Variants in PRMT8 observed in about 807,000 individuals in gnomAD.
PRMT8 encodes protein arginine methyltransferase 8.
PRMT8 carries 7 observed loss-of-function variants against 47.1 expected under a neutral mutation model. The observed-to-expected ratio is 0.15, with a 90% CI of 0.08 to 0.28. The LOEUF is 0.28. Among genes scored for constraint, PRMT8 ranks in the 10% least tolerant of loss-of-function variants. PRMT8 has a pLI of 1.00. For synonymous variants in PRMT8, 188 were observed against 186.5 expected (o/e 1.01, Z -0.07); for missense variants, 237 against 505.4 (o/e 0.47, Z 5.09).
chr12:3,411,569 T>C (rs1250450056), intron 1 of PRMT8, among the ~76,000 whole-genome samples: 2 of 152,224 alleles, frequency 1.3e-5, no homozygotes, highest in African/African-American at 2.4e-5. Context: ...GCGTGTAATA[T>C]GTGCTGTGGT....
At chr12:3,430,268 G>A (rs577094722) in intron 1 of PRMT8, among the ~76,000 whole-genome samples, 8 of 152,318 alleles carry the variant, frequency 5.3e-5, no homozygotes, top group Admixed American at 3.9e-4. Flanking sequence ...GCAATCTATA[G>A]ATAACACAAG....
chr12:3,508,596 T>G lies in PRMT8; in HGVS notation c.75+16896T>G, dbSNP rs1865667036. 3.3e-5 allele frequency among the ~76,000 whole-genome samples: 5 copies of G among 152,294 alleles called. 1 individual carries two copies. In the South Asian group the frequency reaches 1.0e-3, roughly 32 times the overall value. On this transcript the variant is annotated intron_variant, in intron 1 of 9. Coordinates refer to ENST00000382622, the MANE Select transcript of PRMT8 (RefSeq NM_019854.5). This position sits in a 1 kb window ranked among gnomAD's most constrained non-coding sequence, Gnocchi z 4.9. ...AGCCCTGACTTTGCAGCTGATGTGCTTCGTTGATTCTGTGAGTTGTGGTGC... is the reference window on the plus strand; with the variant it reads ...AGCCCTGACTTTGCAGCTGATGTGCGTCGTTGATTCTGTGAGTTGTGGTGC...
At chr12:3,468,622 T>C (rs1416462947) in intron 1 of PRMT8, among the ~76,000 whole-genome samples, 1 of 152,180 alleles carries the variant, frequency 6.6e-6, no homozygotes, top group Non-Finnish European at 1.5e-5. Context: ...AGACTCAAAA[T>C]AGAGAATAGT....
intron 1 of PRMT8, among the ~76,000 whole-genome samples, chr12:3,527,093 C>G (rs1865958993): frequency 6.6e-6 from 1 of 152,096 alleles, no homozygotes; most frequent in Non-Finnish European, 1.5e-5. Context: ...TGGGGGCAAT[C>G]TATAACTTTT....
Position 3,593,145 on chromosome 12 carries a change from G to C in PRMT8, c.1148G>C (p.Cys383Ser), listed in dbSNP as rs1867348009. 1.9e-6 allele frequency: 3 copies of C among 1,614,072 alleles called. No homozygotes were observed. Among genetic ancestry groups the C allele is most frequent in the African/African-American group, 1.3e-5 (1 of 74,940 alleles). ...TVDLDFKGQL[C>S]ETSVSNDYKM... Reference sequence around the variant, plus strand: ...GACTTGGATTTTAAGGGACAGCTGTGTGAAACATCTGTATCTAATGACTAC... The same window carrying C: ...GACTTGGATTTTAAGGGACAGCTGTCTGAAACATCTGTATCTAATGACTAC... The change falls in exon 10 of 10, where the codon TGT becomes TCT. Residue 383 changes from cysteine to serine, a missense_variant. Coordinates refer to ENST00000382622, the MANE Select transcript of PRMT8 (RefSeq NM_019854.5). The surrounding 1 kb of genome is among the most constrained non-coding windows in gnomAD (Gnocchi z 4.8).
At position 3,513,058 on chromosome 12, in the gene PRMT8, C is replaced by T. The variant is rs149886187; in HGVS notation, c.75+21358C>T. On this transcript the variant is annotated intron_variant, in intron 1 of 9. Transcript: ENST00000382622. ...ATTTTTGTCCCTGAGAGAACTGCAACACCGGGGATCAAAGGGTTTGAGTGT... is the reference window on the plus strand; with the variant it reads ...ATTTTTGTCCCTGAGAGAACTGCAATACCGGGGATCAAAGGGTTTGAGTGT... Among the ~76,000 whole-genome samples the T allele has an allele frequency of 8.4e-3, 1,272 of 152,310 alleles. 12 individuals carry two copies. The highest frequency in any genetic ancestry group is 0.021 in the South Asian group (99 of 4,822).
intron 1 of PRMT8, among the ~76,000 whole-genome samples, chr12:3,506,497 A>G (rs1865626511): frequency 1.3e-5 from 2 of 152,078 alleles, no homozygotes; most frequent in Admixed American, 6.5e-5. Flanking sequence ...AGTGCTCTTT[A>G]GCTTCCCTGC....
chr12:3,593,084 C>G lies in PRMT8; in HGVS notation c.1102-15C>G. ...AGACGGCCGCCTGACCCTTCGCTCTCTCTCTGCCTTGCAGCGAGACCTCGA... is the reference window on the plus strand; with the variant it reads ...AGACGGCCGCCTGACCCTTCGCTCTGTCTCTGCCTTGCAGCGAGACCTCGA... On this transcript the variant is annotated splice_polypyrimidine_tract_variant and intron_variant, in intron 9 of 9. Transcript: ENST00000382622. This position sits in a 1 kb window ranked among gnomAD's most constrained non-coding sequence, Gnocchi z 4.8. 6.2e-7 allele frequency: 1 copy of G among 1,612,864 alleles called. No homozygotes were observed. The highest frequency in any genetic ancestry group is 8.5e-7 in the Non-Finnish European group (1 of 1,178,968).
intron 1 of PRMT8, chr12:3,468,806 A>G (rs771359819): frequency 6.5e-6 from 1 of 154,990 alleles, no homozygotes; most frequent in African/African-American, 2.4e-5. Flanking sequence ...AAGTCCCCCA[A>G]TGTCCCACAT....
chr12:3,552,574 G>A lies in PRMT8; in HGVS notation c.418-1077G>A. 2.8e-6 allele frequency: 1 copy of A among 360,698 alleles called. No individual in the cohort carries two copies. The highest frequency in any genetic ancestry group is 5.6e-6 in the Non-Finnish European group (1 of 179,838). 22.3% of individuals were successfully genotyped at this position (360,698 alleles called of 1,614,324 possible). A position where few individuals can be genotyped will look rare whatever the true frequency, so the allele number is the denominator to read the frequency against. On this transcript the variant is annotated intron_variant, in intron 3 of 9. Transcript: ENST00000382622. The surrounding 1 kb of genome is among the most constrained non-coding windows in gnomAD (Gnocchi z 4.5). ...GAAGAGGAGGGAATCACACCCCACA[G>A]ACAGTGCAGCCTGAAGGCCAGGGAC... is the stretch of plus-strand genomic sequence containing the variant.
chr12:3,451,849 T>G (rs1420976260), intron 1 of PRMT8, among the ~76,000 whole-genome samples: 2 of 152,216 alleles, frequency 1.3e-5, no homozygotes, highest in African/African-American at 2.4e-5. Flanking sequence ...TCCAGTCATA[T>G]CCTTGATCCA....
At chr12:3,512,646 C>G (rs1355146658) in intron 1 of PRMT8, among the ~76,000 whole-genome samples, 1 of 152,196 alleles carries the variant, frequency 6.6e-6, no homozygotes, top group African/African-American at 2.4e-5. Context: ...TTACGTCCAT[C>G]TCCTTCTCTC....
intron 1 of PRMT8, among the ~76,000 whole-genome samples, chr12:3,441,431 C>T (rs1024692939): frequency 6.6e-6 from 1 of 152,200 alleles, no homozygotes; most frequent in Non-Finnish European, 1.5e-5. Context: ...GAGGAGCCAA[C>T]CTCCCCTTCC....
intron 8 of PRMT8, among the ~76,000 whole-genome samples, chr12:3,590,833 C>T (rs1042703406): frequency 6.6e-6 from 1 of 152,056 alleles, no homozygotes; most frequent in Non-Finnish European, 1.5e-5. Context: ...TTCATTTATT[C>T]AATACTCGTA....
chr12:3,385,524 T>C (rs1474843065), intron 1 of PRMT8, among the ~76,000 whole-genome samples: 1 of 152,200 alleles, frequency 6.6e-6, no homozygotes, highest in African/African-American at 2.4e-5. Flanking sequence ...ATGAAAAGCA[T>C]GATTTAGCCA....
At chr12:3,402,852 A>C (rs1195419698) in intron 1 of PRMT8, among the ~76,000 whole-genome samples, 1 of 152,182 alleles carries the variant, frequency 6.6e-6, no homozygotes, top group Non-Finnish European at 1.5e-5. Flanking sequence ...AAAAGGGAAC[A>C]CTTTTACACT....
intron 1 of PRMT8, among the ~76,000 whole-genome samples, chr12:3,445,025 T>C (rs775193527): frequency 2.0e-5 from 3 of 152,212 alleles, no homozygotes; most frequent in Non-Finnish European, 4.4e-5. Flanking sequence ...AAGGAATGAC[T>C]GGTAGGAAGG....
chr12:3,447,970 G>A (rs966370757), intron 1 of PRMT8, among the ~76,000 whole-genome samples: 3 of 152,168 alleles, frequency 2.0e-5, no homozygotes, highest in Admixed American at 6.5e-5. Flanking sequence ...TACATCTAGA[G>A]TTAAACGTTT....
intron 4 of PRMT8, among the ~76,000 whole-genome samples, chr12:3,565,225 C>T (rs1319427417): frequency 1.3e-5 from 2 of 152,050 alleles, no homozygotes; most frequent in Non-Finnish European, 2.9e-5. Flanking sequence ...CCGCAGCTTT[C>T]TGGCACTGCA....
Sources: gnomAD v4.1 joint callset for allele counts (sites outside exome capture counted in the v4.1 genomes callset) on GRCh38, gnomAD v4.1.1 for gene constraint, Gnocchi (gnomAD v3.1) non-coding constraint, MANE v1.5 for transcripts, NCBI Gene and HGNC (gene_info 2026-07-23, HGNC 2026-07-21) for gene names.